The following IFT25 variants were observed in gnomAD, a reference collection of about 807,000 sequenced individuals.
IFT25 encodes the protein intraflagellar transport protein 25 homolog.
At chr1:53,922,929 C>T in the IFT25 span, among the ~76,000 whole-genome samples, 2 of 152,206 alleles carry the variant, frequency 1.3e-5, no homozygotes, top group African/African-American at 4.8e-5. Context: ...TTCCAGCCTC[C>T]CATTCCCCCT....
At chr1:53,932,881 G>A in the IFT25 span, among the ~76,000 whole-genome samples, 6 of 152,006 alleles carry the variant, frequency 3.9e-5, no homozygotes, top group African/African-American at 9.6e-5. Context: ...ATACATTCTT[G>A]TTCCATGTTG....
At chr1:53,944,713 C>T in the IFT25 span, among the ~76,000 whole-genome samples, 1 of 152,180 alleles carries the variant, frequency 6.6e-6, no homozygotes, top group African/African-American at 2.4e-5. Flanking sequence ...GCAATTTCCT[C>T]AGGGCCGCAG....
the IFT25 span, chr1:53,939,975 TA>T: frequency 2.7e-6 from 4 of 1,494,488 alleles, no homozygotes; most frequent in South Asian, 3.4e-5. Context: ...CAAAGTATAG[TA>T]ACTCTTACCC....
chr1:53,936,503 C>A, the IFT25 span, among the ~76,000 whole-genome samples: 373 of 152,248 alleles, frequency 2.4e-3, 1 homozygote, highest in Non-Finnish European at 3.6e-3. Flanking sequence ...ATAAGGAAGT[C>A]ATCAAAGTGG....
the IFT25 span, chr1:53,921,736 A>T: frequency 6.2e-7 from 1 of 1,613,864 alleles, no homozygotes; most frequent in Admixed American, 1.7e-5. Context: ...TACAATAATG[A>T]ATCTCAAGTA....
At chr1:53,936,685 A>T in the IFT25 span, among the ~76,000 whole-genome samples, 2 of 152,178 alleles carry the variant, frequency 1.3e-5, no homozygotes, top group Admixed American at 1.3e-4. Context: ...AAGATAACAC[A>T]TAATTCACTT....
the IFT25 span, among the ~76,000 whole-genome samples, chr1:53,942,143 T>C: frequency 6.6e-6 from 1 of 152,186 alleles, no homozygotes; most frequent in East Asian, 1.9e-4. Flanking sequence ...AGAATTAGCA[T>C]TCAAAAAGAA....
the IFT25 span, among the ~76,000 whole-genome samples, chr1:53,944,313 G>A: frequency 3.9e-5 from 6 of 152,276 alleles, no homozygotes; most frequent in African/African-American, 1.4e-4. Flanking sequence ...AGACCAGCCT[G>A]GGCAACATGG....
the IFT25 span, among the ~76,000 whole-genome samples, chr1:53,917,823 G>A: frequency 1.3e-5 from 2 of 151,032 alleles, no homozygotes; most frequent in African/African-American, 4.9e-5. Flanking sequence ...GAGAAACTCC[G>A]TCTCAAAAAA....
chr1:53,921,400 T>C, the IFT25 span, among the ~76,000 whole-genome samples: 1 of 152,190 alleles, frequency 6.6e-6, no homozygotes, highest in Non-Finnish European at 1.5e-5. Flanking sequence ...ATGCAATGTA[T>C]TACCCATTAA....
the IFT25 span, among the ~76,000 whole-genome samples, chr1:53,944,293 C>T: frequency 6.6e-6 from 1 of 152,174 alleles, no homozygotes; most frequent in East Asian, 1.9e-4. Context: ...AGCTTGAGCT[C>T]ACAAGTTCAA....
chr1:53,923,746 G>T, the IFT25 span: 1 of 585,322 alleles, frequency 1.7e-6, no homozygotes, highest in Non-Finnish European at 3.0e-6. Context: ...TGTACATTTA[G>T]CTTATATTAT....
the IFT25 span, chr1:53,929,871 A>G: frequency 1.8e-6 from 2 of 1,128,376 alleles, no homozygotes; most frequent in Non-Finnish European, 2.3e-6. Flanking sequence ...CTTTCACCCC[A>G]GCAATAAAAC....
At chr1:53,922,355 C>T in the IFT25 span, among the ~76,000 whole-genome samples, 3 of 150,842 alleles carry the variant, frequency 2.0e-5, no homozygotes, top group Non-Finnish European at 4.4e-5. Context: ...GATCGCACCA[C>T]TGCACTCCAG....
At chr1:53,938,513 T>C in the IFT25 span, among the ~76,000 whole-genome samples, 1 of 152,048 alleles carries the variant, frequency 6.6e-6, no homozygotes, top group Non-Finnish European at 1.5e-5. Flanking sequence ...AGAGGCTGAG[T>C]TGCTAGAATT....
At chr1:53,916,230 A>C in the IFT25 span, among the ~76,000 whole-genome samples, 1 of 152,178 alleles carries the variant, frequency 6.6e-6, no homozygotes. Flanking sequence ...TGAAATACAA[A>C]ACAAAGCAAA....
chr1:53,914,574 T>C, the IFT25 span, among the ~76,000 whole-genome samples: 6 of 152,332 alleles, frequency 3.9e-5, no homozygotes, highest in African/African-American at 1.4e-4. Flanking sequence ...TTTTCTGTCT[T>C]ATAAACATCA....
the IFT25 span, among the ~76,000 whole-genome samples, chr1:53,938,250 T>C: frequency 6.6e-6 from 1 of 152,376 alleles, no homozygotes; most frequent in African/African-American, 2.4e-5. Context: ...TATATGTGTT[T>C]ATATGTATGT....
chr1:53,924,213 T>C, the IFT25 span, among the ~76,000 whole-genome samples: 3 of 151,954 alleles, frequency 2.0e-5, no homozygotes, highest in African/African-American at 7.3e-5. Context: ...TAAAAGGATA[T>C]AAGGAACTGA....
Sources: allele counts gnomAD v4.1 joint callset (sites outside exome capture counted in the v4.1 genomes callset), GRCh38; gene constraint gnomAD v4.1.1; transcripts MANE v1.5; gene names NCBI Gene and HGNC (gene_info 2026-07-23, HGNC 2026-07-21).